The following FHIT variants were observed in gnomAD, a reference collection of about 807,000 sequenced individuals.
FHIT encodes the protein fragile histidine triad diadenosine triphosphatase.
In FHIT, 19 loss-of-function variants were observed where a neutral mutation model predicts 17.9. That is an observed-to-expected ratio of 1.06 (90% CI 0.74 to 1.56). The LOEUF (loss-of-function observed/expected upper bound fraction) is 1.56, where lower values mean the gene tolerates loss of function less well. FHIT is among the 40% of genes most tolerant of loss of function. The pLI is 0.00. For synonymous variants in FHIT, 81 were observed against 69.7 expected, an observed-to-expected ratio of 1.16 and a Z score of -0.81; for missense variants, 248 against 189.2, an observed-to-expected ratio of 1.31 and a Z score of -1.82.
At chr3:60,920,283 G>C (rs1254663863) in intron 3 of FHIT, among the ~76,000 whole-genome samples, 1 of 152,096 alleles carries the variant, frequency 6.6e-6, no homozygotes, top group African/African-American at 2.4e-5. Flanking sequence ...TGCCAAAATA[G>C]TGAAGAGAAA....
intron 4 of FHIT, among the ~76,000 whole-genome samples, chr3:60,603,722 T>C (rs11130777): frequency 0.31 from 46,737 of 152,016 alleles, 8,225 homozygotes; most frequent in Admixed American, 0.44. Context: ...GGGTAAGGCA[T>C]CATTGTGAAT....
chr3:60,729,982 A>C (rs770210008), intron 4 of FHIT: 5 of 255,276 alleles, frequency 2.0e-5, no homozygotes, highest in Non-Finnish European at 3.2e-5. Context: ...TTAATGGCCT[A>C]TGACGTTATC....
chr3:60,852,119 G>A (rs1466692171), intron 3 of FHIT, among the ~76,000 whole-genome samples: 5 of 152,060 alleles, frequency 3.3e-5, no homozygotes, highest in Non-Finnish European at 7.4e-5. Context: ...TCAGCTGAAG[G>A]CTTGATTAGG....
intron 5 of FHIT, among the ~76,000 whole-genome samples, chr3:60,478,668 T>G (rs2107468118): frequency 6.6e-6 from 1 of 152,310 alleles, no homozygotes; most frequent in East Asian, 1.9e-4. Flanking sequence ...TATGATACAG[T>G]CATTACATAT....
intron 5 of FHIT, among the ~76,000 whole-genome samples, chr3:60,505,270 C>T (rs953378948): frequency 9.9e-5 from 15 of 152,048 alleles, no homozygotes; most frequent in African/African-American, 3.4e-4. Context: ...ATGATTTTTG[C>T]AATTAGGATG....
intron 5 of FHIT, among the ~76,000 whole-genome samples, chr3:60,130,118 A>G (rs1417155006): frequency 6.6e-6 from 1 of 152,190 alleles, no homozygotes; most frequent in Non-Finnish European, 1.5e-5. Flanking sequence ...TCTACCGGAA[A>G]AAAGTGAAAA....
intron 4 of FHIT, among the ~76,000 whole-genome samples, chr3:60,606,210 G>C (rs185118355): frequency 6.6e-6 from 1 of 151,600 alleles, no homozygotes; most frequent in East Asian, 1.9e-4. Context: ...GTTCAGTTTT[G>C]GTTCCTCAGT....
At chr3:61,014,015 C>T (rs1020948791) in intron 3 of FHIT, among the ~76,000 whole-genome samples, 1 of 151,954 alleles carries the variant, frequency 6.6e-6, no homozygotes, top group Non-Finnish European at 1.5e-5. Context: ...GGGCAAGAGA[C>T]GGGGCAAGGA....
chr3:59,790,528 CTGTG>C lies in FHIT; in HGVS notation c.349-38211_349-38208del, dbSNP rs35731034. Among the ~76,000 whole-genome samples, 611 of 91,800 alleles carry C rather than the reference CTGTG, an allele frequency of 6.7e-3. 3 individuals carry two copies. The highest frequency in any genetic ancestry group is 0.027 in the African/African-American group (507 of 18,584). 60.2% of individuals were successfully genotyped at this position (91,800 alleles called of 152,430 possible). A position where few individuals can be genotyped will look rare whatever the true frequency, so the allele number is the denominator to read the frequency against. On this transcript the variant is annotated intron_variant, in intron 8 of 9. Transcript: ENST00000492590. ...TCTTTCTCTCTCTCTCTCTCTCTCT[CTGTG>C]TGTGTGTGTGTATAAATCATCTGTC...
At chr3:61,206,579 A>C (rs1490036537) in intron 1 of FHIT, among the ~76,000 whole-genome samples, 1 of 152,158 alleles carries the variant, frequency 6.6e-6, no homozygotes, top group Non-Finnish European at 1.5e-5. Context: ...TCTTTGAAGC[A>C]GTTGTGAATG....
intron 5 of FHIT, among the ~76,000 whole-genome samples, chr3:60,158,932 C>T (rs1004520088): frequency 2.6e-5 from 4 of 152,148 alleles, no homozygotes; most frequent in Admixed American, 2.6e-4. Flanking sequence ...TGTTCTCCCT[C>T]ACTGCAATGA....
chr3:60,171,710 C>T (rs919660620), intron 5 of FHIT, among the ~76,000 whole-genome samples: 6 of 152,022 alleles, frequency 3.9e-5, no homozygotes, highest in Non-Finnish European at 7.4e-5. Flanking sequence ...TTCATTCATT[C>T]GTTTTTTTGG....
At chr3:60,920,731 G>C (rs1191596354) in intron 3 of FHIT, among the ~76,000 whole-genome samples, 4 of 152,034 alleles carry the variant, frequency 2.6e-5, no homozygotes, top group African/African-American at 4.8e-5. Context: ...AACCTTTTCA[G>C]TCATGTTTAA....
At chr3:59,847,649 C>T (rs1035838783) in intron 8 of FHIT, among the ~76,000 whole-genome samples, 1 of 151,916 alleles carries the variant, frequency 6.6e-6, no homozygotes, top group African/African-American at 2.4e-5. Flanking sequence ...GCTCTATATG[C>T]CTTGTAATTT....
chr3:60,088,606 T>A (rs1242384254), intron 5 of FHIT, among the ~76,000 whole-genome samples: 1 of 152,202 alleles, frequency 6.6e-6, no homozygotes, highest in Admixed American at 6.5e-5. Context: ...GAACATTCCT[T>A]TTTTTGCATA....
chr3:60,681,179 T>C (rs374161175), intron 4 of FHIT, among the ~76,000 whole-genome samples: 2 of 152,340 alleles, frequency 1.3e-5, no homozygotes, highest in East Asian at 3.9e-4. Flanking sequence ...TCATTTCACG[T>C]CTATGTATCA....
intron 3 of FHIT, among the ~76,000 whole-genome samples, chr3:61,029,983 T>A (rs2032931552): frequency 6.6e-6 from 1 of 152,202 alleles, no homozygotes. Context: ...TTTGTTTGTT[T>A]GTTTGAGACA....
intron 5 of FHIT, among the ~76,000 whole-genome samples, chr3:60,392,462 C>T (rs1055149276): frequency 2.6e-4 from 39 of 152,142 alleles, no homozygotes; most frequent in African/African-American, 9.4e-4. Context: ...AAAAATTCAC[C>T]TTGTTCATGC....
At chr3:60,676,850 C>T (rs1164860625) in intron 4 of FHIT, among the ~76,000 whole-genome samples, 1 of 151,754 alleles carries the variant, frequency 6.6e-6, no homozygotes, top group Admixed American at 6.6e-5. Flanking sequence ...TTTTAGTGAG[C>T]ATAATTTTTT....
Sources: allele counts gnomAD v4.1 joint callset (sites outside exome capture counted in the v4.1 genomes callset), GRCh38; gene constraint gnomAD v4.1.1; transcripts MANE v1.5; gene names NCBI Gene and HGNC (gene_info 2026-07-23, HGNC 2026-07-21).